The following YWHAZ variants were observed in gnomAD, a reference collection of about 807,000 sequenced individuals.
YWHAZ encodes tyrosine 3-monooxygenase/tryptophan 5-monooxygenase activation protein zeta.
For synonymous variants in YWHAZ, 87 were observed against 103.6 expected (o/e 0.84, Z 0.97); for missense variants, 79 against 284.8 (o/e 0.28, Z 5.20).
chr8:100,941,080 C>T (rs1418554212), intron 2 of YWHAZ, among the ~76,000 whole-genome samples: 2 of 152,194 alleles, frequency 1.3e-5, no homozygotes, highest in Non-Finnish European at 1.5e-5. Flanking sequence ...TAAACATCTT[C>T]CTAACACAAT....
At position 100,919,355 on chromosome 8, in the gene YWHAZ, T is replaced by C. The variant is rs1377842024; in HGVS notation, c.*1338A>G. ...CAGTTAATGCTACCCAATGTCATGA[T>C]GGGCCAAGAACATTGTGGCTTCCTA... On this transcript the variant is annotated 3_prime_UTR_variant, in exon 6 of 6. Coordinates refer to ENST00000395958, the MANE Select transcript of YWHAZ (RefSeq NM_145690.3). 1 of 152,672 alleles carries C rather than the reference T, an allele frequency of 6.5e-6. No individual in the cohort carries two copies. The highest frequency in any genetic ancestry group is 1.5e-5 in the Non-Finnish European group (1 of 68,046). 9.5% of individuals were successfully genotyped at this position (152,672 alleles called of 1,614,324 possible).
intron 1 of YWHAZ, chr8:100,951,187 C>T: frequency 1.0e-6 from 1 of 985,388 alleles, no homozygotes; most frequent in Non-Finnish European, 1.2e-6. Flanking sequence ...AAACCTCACC[C>T]CGCAGTGGAC....
At chr8:100,929,789 A>G (rs1813633851) in intron 2 of YWHAZ, among the ~76,000 whole-genome samples, 1 of 152,212 alleles carries the variant, frequency 6.6e-6, no homozygotes, top group Non-Finnish European at 1.5e-5. Flanking sequence ...GCCAGAAGAT[A>G]AAACCCAATG....
chr8:100,917,100 T>C lies in YWHAZ; in HGVS notation c.*3593A>G, dbSNP rs1409413585. The C allele has an allele frequency of 1.3e-5, 2 of 152,188 alleles. No homozygotes were observed. The highest frequency in any genetic ancestry group is 4.8e-5 in the African/African-American group (2 of 41,452). The allele number at this position is 152,188 out of a possible 1,614,324, so 9.4% of individuals were successfully genotyped here. On this transcript the variant is annotated 3_prime_UTR_variant, in exon 6 of 6. Coordinates refer to ENST00000395958, the MANE Select transcript of YWHAZ (RefSeq NM_145690.3). The stretch of plus-strand genomic sequence containing the variant: ...AGCACCAGTTTTCAAAGTCAAAGTT[T>C]CACTCTCCATTTGAAGCCTGACTAC...
At chr8:100,951,535 G>A (rs1410418845) in intron 1 of YWHAZ, 5 of 985,476 alleles carry the variant, frequency 5.1e-6, no homozygotes, top group African/African-American at 1.7e-5. Flanking sequence ...GAGGGAGGGG[G>A]TGGAAGCCCG....
chr8:100,918,354 A>C lies in YWHAZ; in HGVS notation c.*2339T>G, dbSNP rs113779671. The C allele has an allele frequency of 1.9e-5, 2 of 105,240 alleles. No homozygotes were observed. The highest frequency in any genetic ancestry group is 3.1e-5 in the African/African-American group (1 of 32,264). 6.5% of individuals were successfully genotyped at this position (105,240 alleles called of 1,614,324 possible). A position where few individuals can be genotyped will look rare whatever the true frequency, so the allele number is the denominator to read the frequency against. On this transcript the variant is annotated 3_prime_UTR_variant, in exon 6 of 6. Coordinates refer to ENST00000395958, the MANE Select transcript of YWHAZ (RefSeq NM_145690.3). ...CAAGACTCTTGTCTCCAAAAAAAAA[A>C]AAAACAACAAAAAAATTCCCACCTC...
Position 100,948,477 on chromosome 8 carries a change from A to G in YWHAZ, c.294+119T>C. 2 of 1,173,294 alleles carry G rather than the reference A, an allele frequency of 1.7e-6. No homozygotes were observed. The highest frequency in any genetic ancestry group is 2.4e-6 in the Non-Finnish European group (2 of 837,012). 72.7% of individuals were successfully genotyped at this position (1,173,294 alleles called of 1,614,324 possible). ...AGTCATGACACCATGAAGACTTTTA[A>G]ATTTGGAACACACAATGTTTAGAAG... On this transcript the variant is annotated intron_variant, in intron 2 of 5. Coordinates refer to ENST00000395958, the MANE Select transcript of YWHAZ (RefSeq NM_145690.3). This position sits in a 1 kb window ranked among gnomAD's most constrained non-coding sequence, Gnocchi z 4.2.
chr8:100,920,523 A>T lies in YWHAZ; in HGVS notation c.*170T>A, dbSNP rs1812934275. The T allele has an allele frequency of 4.6e-5, 30 of 648,906 alleles. No homozygotes were observed. The South Asian group carries it at 5.4e-4, about 12-fold the overall frequency. 40.2% of individuals were successfully genotyped at this position (648,906 alleles called of 1,614,324 possible). On this transcript the variant is annotated 3_prime_UTR_variant, in exon 6 of 6. Transcript: ENST00000395958. ...AACTCCCTAAATGTTAACTGGCTCT[A>T]CTCCCCTAATATTAAACATAAAAAC...
intron 5 of YWHAZ, 131 bp from the exon 6 acceptor site, chr8:100,920,883 A>G (rs1364215282): frequency 1.3e-6 from 1 of 780,112 alleles, no homozygotes; most frequent in Non-Finnish European, 2.2e-6. Context: ...AGCATCACTT[A>G]GCTTCAAGAT....
chr8:100,945,319 A>C (rs1050144031), intron 2 of YWHAZ, among the ~76,000 whole-genome samples: 4 of 152,260 alleles, frequency 2.6e-5, no homozygotes, highest in African/African-American at 7.2e-5. Flanking sequence ...ACATATAACC[A>C]GAATGGGTTA....
intron 2 of YWHAZ, among the ~76,000 whole-genome samples, chr8:100,931,189 C>G (rs1372155789): frequency 2.0e-5 from 3 of 152,166 alleles, no homozygotes; most frequent in Admixed American, 6.5e-5. Context: ...ATGCCTTAAT[C>G]CAAAGATAGT....
At chr8:100,946,416 G>A (rs150782904) in intron 2 of YWHAZ, among the ~76,000 whole-genome samples, 36 of 152,182 alleles carry the variant, frequency 2.4e-4, no homozygotes, top group African/African-American at 4.3e-4. Flanking sequence ...TGGGCGTGCT[G>A]GTGCACGCCC....
intron 1 of YWHAZ, chr8:100,950,614 C>G: frequency 1.0e-6 from 1 of 985,582 alleles, no homozygotes; most frequent in Non-Finnish European, 1.2e-6. Context: ...CTCCCCCCGA[C>G]CGGAGCCAGA....
chr8:100,948,926 T>C lies in YWHAZ; in HGVS notation c.-11-26A>G, dbSNP rs756331087. The stretch of plus-strand genomic sequence containing the variant: ...CTGCAGGGGGGAAAAAAGGAGTATT[T>C]AAAATTTTTCCCATCAAAATAAACA... On this transcript the variant is annotated intron_variant, in intron 1 of 5. Coordinates refer to ENST00000395958, the MANE Select transcript of YWHAZ (RefSeq NM_145690.3). The surrounding 1 kb of genome is among the most constrained non-coding windows in gnomAD (Gnocchi z 4.2). 1.9e-6 allele frequency: 3 copies of C among 1,544,918 alleles called. No homozygotes were observed. Among genetic ancestry groups the C allele is most frequent in the Non-Finnish European group, 2.6e-6 (3 of 1,156,772 alleles).
chr8:100,926,482 T>C (rs1813369377), intron 2 of YWHAZ, among the ~76,000 whole-genome samples: 1 of 152,032 alleles, frequency 6.6e-6, no homozygotes, highest in South Asian at 2.1e-4. Flanking sequence ...AATACAAAAA[T>C]TAGCCAGGCG....
intron 2 of YWHAZ, among the ~76,000 whole-genome samples, chr8:100,931,556 G>A (rs1813762033): frequency 1.3e-5 from 2 of 152,012 alleles, no homozygotes; most frequent in South Asian, 4.2e-4. Context: ...CTAAAACCAG[G>A]CAGACTTGAA....
intron 1 of YWHAZ, among the ~76,000 whole-genome samples, chr8:100,949,105 T>C (rs1810516735): frequency 6.6e-6 from 1 of 152,174 alleles, no homozygotes; most frequent in African/African-American, 2.4e-5. Context: ...AGAGGTAAAC[T>C]TACAGCCATT....
At position 100,920,190 on chromosome 8, in the gene YWHAZ, A is replaced by AT. The variant is rs1434876386; in HGVS notation, c.*502dup. The AT allele has an allele frequency of 6.5e-6, 1 of 154,476 alleles. No individual in the cohort carries two copies. Among genetic ancestry groups the AT allele is most frequent in the Admixed American group, 6.4e-5 (1 of 15,548 alleles). 9.6% of individuals were successfully genotyped at this position (154,476 alleles called of 1,614,324 possible). A position where few individuals can be genotyped will look rare whatever the true frequency, so the allele number is the denominator to read the frequency against. ...TGCAGCTGTAGTCAAAGGTGTACACATTGAGTATTCCACAGATATACATGG... is the reference window on the plus strand; with the variant it reads ...TGCAGCTGTAGTCAAAGGTGTACACATTTGAGTATTCCACAGATATACATGG... On this transcript the variant is annotated 3_prime_UTR_variant, in exon 6 of 6. Transcript: ENST00000395958.
Position 100,948,132 on chromosome 8 carries a change from C to T in YWHAZ, c.294+464G>A, listed in dbSNP as rs1586160393. 2 of 1,534,514 alleles carry T rather than the reference C, an allele frequency of 1.3e-6. No individual in the cohort carries two copies. Among genetic ancestry groups the T allele is most frequent in the Non-Finnish European group, 1.7e-6 (2 of 1,146,580 alleles). On this transcript the variant is annotated intron_variant, in intron 2 of 5. Coordinates refer to ENST00000395958, the MANE Select transcript of YWHAZ (RefSeq NM_145690.3). The surrounding 1 kb of genome is among the most constrained non-coding windows in gnomAD (Gnocchi z 4.2). The stretch of plus-strand genomic sequence containing the variant: ...ATAGTTGTGACGCCAGAGTTTTCTG[C>T]ATGGTTGACTCATTACATTAACATT...
Sources: gnomAD v4.1 joint callset for allele counts (sites outside exome capture counted in the v4.1 genomes callset) on GRCh38, gnomAD v4.1.1 for gene constraint, Gnocchi (gnomAD v3.1) non-coding constraint, MANE v1.5 for transcripts, NCBI Gene and HGNC (gene_info 2026-07-23, HGNC 2026-07-21) for gene names.